The following NKAIN3 variants were observed in gnomAD, a reference collection of about 807,000 sequenced individuals.
NKAIN3 encodes the protein sodium/potassium-transporting ATPase subunit beta-1-interacting protein 3.
A neutral mutation model predicts 30.2 loss-of-function variants in NKAIN3; 25 were observed. The observed-to-expected ratio is 0.83, with a 90% CI of 0.60 to 1.16. NKAIN3 has a LOEUF of 1.16. Ranked by LOEUF, NKAIN3 falls within the 50% of genes most tolerant of loss-of-function variation. NKAIN3 has a pLI of 0.00. For synonymous variants in NKAIN3, 91 were observed against 89.6 expected (o/e 1.02, Z -0.09); for missense variants, 225 against 254.1 (o/e 0.89, Z 0.78).
intron 4 of NKAIN3, among the ~76,000 whole-genome samples, chr8:62,903,871 A>T: frequency 6.6e-6 from 1 of 152,030 alleles, no homozygotes; most frequent in African/African-American, 2.4e-5. Context: ...AAACCACAAG[A>T]TCTCACGGGA....
intron 4 of NKAIN3, among the ~76,000 whole-genome samples, chr8:62,875,380 C>T (rs751069526): frequency 3.3e-5 from 5 of 152,084 alleles, no homozygotes; most frequent in Admixed American, 6.6e-5. Flanking sequence ...GAATCAATAT[C>T]GTGAAAATGG....
chr8:62,281,907 C>G (rs1265407672), intron 1 of NKAIN3, among the ~76,000 whole-genome samples: 1 of 151,936 alleles, frequency 6.6e-6, no homozygotes, highest in Non-Finnish European at 1.5e-5. Context: ...AGGACAAAAA[C>G]AATTTTTTTT....
intron 1 of NKAIN3, among the ~76,000 whole-genome samples, chr8:62,444,991 G>C (rs1045698306): frequency 6.6e-6 from 1 of 152,008 alleles, no homozygotes; most frequent in African/African-American, 2.4e-5. Flanking sequence ...CTGTCACCAG[G>C]CTGGAGTGCA....
At chr8:62,603,598 T>G (rs1811043720) in intron 3 of NKAIN3, among the ~76,000 whole-genome samples, 1 of 152,154 alleles carries the variant, frequency 6.6e-6, no homozygotes, top group Non-Finnish European at 1.5e-5. Flanking sequence ...AGAGAAAGTT[T>G]GTCTCTGAGC....
chr8:62,805,369 G>A (rs1818238962), intron 4 of NKAIN3, among the ~76,000 whole-genome samples: 1 of 151,832 alleles, frequency 6.6e-6, no homozygotes, highest in African/African-American at 2.4e-5. Flanking sequence ...AAAGAACAAA[G>A]CTGGAGGCAT....
At chr8:62,312,045 T>C (rs1814456056) in intron 1 of NKAIN3, among the ~76,000 whole-genome samples, 1 of 150,066 alleles carries the variant, frequency 6.7e-6, no homozygotes, top group Non-Finnish European at 1.5e-5. Context: ...CTAAGAAGTA[T>C]GATCAAGTGA....
chr8:62,526,272 A>G (rs932496934), intron 1 of NKAIN3, among the ~76,000 whole-genome samples: 2 of 151,976 alleles, frequency 1.3e-5, no homozygotes, highest in Non-Finnish European at 2.9e-5. Flanking sequence ...AACAACAACT[A>G]AAAAAAACCT....
At chr8:62,387,344 T>C (rs905171516) in intron 1 of NKAIN3, among the ~76,000 whole-genome samples, 4 of 126,082 alleles carry the variant, frequency 3.2e-5, no homozygotes, top group African/African-American at 1.1e-4. Context: ...AAAATAAAAA[T>C]GTAGCAAAAA....
At chr8:62,707,751 T>C (rs536466795) in intron 3 of NKAIN3, among the ~76,000 whole-genome samples, 5 of 152,296 alleles carry the variant, frequency 3.3e-5, no homozygotes, top group African/African-American at 7.2e-5. Flanking sequence ...CTATTTATCT[T>C]TGTTTTTGAT....
intron 5 of NKAIN3, chr8:62,990,435 C>A: frequency 1.0e-6 from 1 of 994,950 alleles, no homozygotes; most frequent in Non-Finnish European, 1.3e-6. Context: ...TGAGAATTTA[C>A]ATTGATTCCT....
chr8:62,587,116 C>A (rs751240338), intron 2 of NKAIN3, among the ~76,000 whole-genome samples: 1 of 151,892 alleles, frequency 6.6e-6, no homozygotes, highest in African/African-American at 2.4e-5. Flanking sequence ...CATTGGTTAT[C>A]CCAATGCTTC....
At chr8:62,586,816 A>T (rs1370042894) in intron 2 of NKAIN3, among the ~76,000 whole-genome samples, 1 of 151,982 alleles carries the variant, frequency 6.6e-6, no homozygotes, top group Non-Finnish European at 1.5e-5. Flanking sequence ...TCATTATTAT[A>T]GGTCTTGTCT....
chr8:62,729,043 A>AAAAAAAAAAAACAAACAAAC (rs1815378896), intron 3 of NKAIN3, among the ~76,000 whole-genome samples: 1 of 128,652 alleles, frequency 7.8e-6, no homozygotes, highest in Admixed American at 7.7e-5. Flanking sequence ...AAAAAAACAA[A>AAAAAAAAAAAACAAACAAAC]AAAAAAAAAC....
At chr8:62,708,557 G>A (rs1410266622) in intron 3 of NKAIN3, among the ~76,000 whole-genome samples, 3 of 152,104 alleles carry the variant, frequency 2.0e-5, no homozygotes, top group East Asian at 3.8e-4. Context: ...CTACTGATTT[G>A]TGTACATGAA....
chr8:62,676,059 T>C (rs1483601541), intron 3 of NKAIN3, among the ~76,000 whole-genome samples: 1 of 152,218 alleles, frequency 6.6e-6, no homozygotes, highest in African/African-American at 2.4e-5. Flanking sequence ...TGATAGGCAA[T>C]GAGCTAGATT....
At chr8:62,617,477 G>A (rs1811493740) in intron 3 of NKAIN3, among the ~76,000 whole-genome samples, 1 of 152,148 alleles carries the variant, frequency 6.6e-6, no homozygotes, top group African/African-American at 2.4e-5. Context: ...GAAAGATACT[G>A]AATATAAGTG....
chr8:62,590,951 C>T (rs1446767235), intron 3 of NKAIN3, among the ~76,000 whole-genome samples: 10 of 151,732 alleles, frequency 6.6e-5, no homozygotes, highest in South Asian at 4.2e-4. Flanking sequence ...ATTGTGCTAG[C>T]GATTGTAGTT....
chr8:62,785,958 G>A (rs1329944355), intron 4 of NKAIN3, among the ~76,000 whole-genome samples: 9 of 152,034 alleles, frequency 5.9e-5, no homozygotes, highest in Non-Finnish European at 1.2e-4. Context: ...CTCACAACTG[G>A]ACAGCCAGGT....
intron 1 of NKAIN3, among the ~76,000 whole-genome samples, chr8:62,314,035 T>C (rs1814535088): frequency 6.6e-6 from 1 of 152,136 alleles, no homozygotes; most frequent in South Asian, 2.1e-4. Flanking sequence ...TAATCATCTC[T>C]TTATGTTAGA....
Sources: gnomAD v4.1 joint callset for allele counts (sites outside exome capture counted in the v4.1 genomes callset) on GRCh38, gnomAD v4.1.1 for gene constraint, MANE v1.5 for transcripts, NCBI Gene and HGNC (gene_info 2026-07-23, HGNC 2026-07-21) for gene names.